Variants in FARSA observed in about 807,000 individuals in gnomAD.
FARSA encodes the protein phenylalanine--tRNA ligase alpha subunit.
A neutral mutation model predicts 63.2 loss-of-function variants in FARSA; 37 were observed. The ratio of observed to expected loss-of-function variants is 0.59; its 90% CI spans 0.45 to 0.77. The LOEUF (loss-of-function observed/expected upper bound fraction) is 0.77, where lower values mean the gene tolerates loss of function less well. Among genes scored for constraint, FARSA ranks in the 30% least tolerant of loss-of-function variants. FARSA has a pLI of 0.00. For synonymous variants in FARSA, 312 were observed against 285.1 expected (o/e 1.09, Z -0.95); for missense variants, 618 against 696.6 (o/e 0.89, Z 1.27).
At chr19:12,927,576 A>G (rs1283899917) in intron 7 of FARSA, among the ~76,000 whole-genome samples, 1 of 151,716 alleles carries the variant, frequency 6.6e-6, no homozygotes, top group Non-Finnish European at 1.5e-5. Flanking sequence ...TATTAAAAAC[A>G]CAAAAATTAG....
intron 7 of FARSA, among the ~76,000 whole-genome samples, chr19:12,928,133 A>G (rs2145997821): frequency 6.6e-6 from 1 of 151,682 alleles, no homozygotes; most frequent in Non-Finnish European, 1.5e-5. Context: ...TTTTAGAGGT[A>G]GATTCTTCCC....
rs1007369656 is a variant in FARSA at position 12,928,920 on chromosome 19, G to A, written c.504-73C>T. 1.0e-5 allele frequency: 14 copies of A among 1,336,814 alleles called. No individual in the cohort carries two copies. In the Middle Eastern group the frequency reaches 1.5e-3, roughly 139 times the overall value. 82.8% of individuals were successfully genotyped at this position (1,336,814 alleles called of 1,614,324 possible). A position where few individuals can be genotyped will look rare whatever the true frequency, so the allele number is the denominator to read the frequency against. ...GGACTTCCTTGATCTCCCGTCTGAT[G>A]AGGATCCCCATGCTACCTACCAAGT... On this transcript the variant is annotated intron_variant, in intron 4 of 12. Coordinates refer to ENST00000314606, the MANE Select transcript of FARSA (RefSeq NM_004461.3).
chr19:12,924,714 C>G lies in FARSA; in HGVS notation c.1120G>C (p.Glu374Gln), dbSNP rs1371997924. The G allele has an allele frequency of 1.6e-5, 25 of 1,597,726 alleles. No homozygotes were observed. Among genetic ancestry groups the G allele is most frequent in the Non-Finnish European group, 2.1e-5 (25 of 1,169,238 alleles). The change falls in exon 10 of 13, where the codon GAG becomes CAG. Residue 374 changes from glutamate (E) to glutamine (Q), a missense_variant. Physicochemically the swap from Glu to Gln is conservative, Grantham distance 29. Coordinates refer to ENST00000314606, the MANE Select transcript of FARSA (RefSeq NM_004461.3). The surrounding 1 kb of genome is among the most constrained non-coding windows in gnomAD (Gnocchi z 6.4). ...AGACCATGATCCGCCACCACGCCCT[C>G]GATCTGGTGGAACTCAGCCAGGTGC... is the stretch of plus-strand genomic sequence containing the variant. ...ATHLAEFHQI[E>Q]GVVADHGLTL...
At position 12,933,588 on chromosome 19, in the gene FARSA, C is replaced by T; in HGVS notation, c.109G>A (p.Val37Met). ...TGAAGGCTCTTCACGGCGCCCACCA[C>T]CGCCTGGTGCTCCATGCCCAGCTCA... ...AAELGMEHQA[V>M]VGAVKSLQAL... Residue 37 changes from valine to methionine, a missense_variant, in exon 1 of 13, where the codon GTG becomes ATG. Transcript: ENST00000314606. The T allele has an allele frequency of 6.4e-7, 1 of 1,550,940 alleles. No homozygotes were observed. The highest frequency in any genetic ancestry group is 2.4e-5 in the East Asian group (1 of 41,618).
intron 1 of FARSA, 125 bp from the exon 2 acceptor site, chr19:12,930,874 T>A: frequency 9.1e-7 from 1 of 1,098,492 alleles, no homozygotes; most frequent in Non-Finnish European, 1.3e-6. Context: ...ATCCCAGCTA[T>A]ACAACTTTAC....
Position 12,931,235 on chromosome 19 carries a change from G to A in FARSA, c.148-486C>T, listed in dbSNP as rs554739910. Among the ~76,000 whole-genome samples the A allele has an allele frequency of 7.2e-5, 11 of 152,210 alleles. No individual in the cohort carries two copies. In the East Asian group the frequency reaches 9.7e-4, roughly 13 times the overall value. On this transcript the variant is annotated intron_variant, in intron 1 of 12. Coordinates refer to ENST00000314606, the MANE Select transcript of FARSA (RefSeq NM_004461.3). Reference sequence around the variant, plus strand: ...CAGTCCCGAGTAGCTGGGACTACAGGCATGTGCCGCCACACCTGGTTAATT... The same window carrying A: ...CAGTCCCGAGTAGCTGGGACTACAGACATGTGCCGCCACACCTGGTTAATT...
In FARSA at chr19:12,922,863, A is replaced by G. The variant is rs139040383; in HGVS notation, c.1412T>C (p.Ile471Thr). ...LERPTMIKYG[I>T]NNIRELVGHK... ...GCCCACCAGCTCCCGGATATTGTTG[A>G]TGCCATATTTGATCATCGTTGGGCT... Residue 471 changes from isoleucine (I) to threonine (T), a missense_variant, in exon 13 of 13, where the codon ATC (isoleucine) becomes ACC (threonine). Coordinates refer to ENST00000314606, the MANE Select transcript of FARSA (RefSeq NM_004461.3). The G allele has an allele frequency of 2.7e-4, 433 of 1,613,984 alleles. No individual in the cohort carries two copies. Among genetic ancestry groups the G allele is most frequent in the Admixed American group, 1.8e-4 (11 of 59,984 alleles).
chr19:12,928,979 C>T, intron 4 of FARSA, 132 bp from the exon 5 acceptor site: 2 of 784,306 alleles, frequency 2.6e-6, no homozygotes, highest in Admixed American at 3.8e-5. Flanking sequence ...ACATTTATCA[C>T]TACCTGAAAT....
rs1287519725 is a variant in FARSA, at chr19:12,924,197, G to A, written c.1342C>T (p.Leu448Phe). 4 of 1,614,076 alleles carry A rather than the reference G, an allele frequency of 2.5e-6. No homozygotes were observed. Among genetic ancestry groups the A allele is most frequent in the Admixed American group, 1.7e-5 (1 of 60,006 alleles). Residue 448 changes from leucine to phenylalanine, a missense_variant, in exon 12 of 13, where the codon CTT (leucine) becomes TTT (phenylalanine). Coordinates refer to ENST00000314606, the MANE Select transcript of FARSA (RefSeq NM_004461.3). This position sits in a 1 kb window ranked among gnomAD's most constrained non-coding sequence, Gnocchi z 6.4. ...FRPEMLLPMG[L>F]PENVSVIAWG... is the part of the protein sequence containing the mutation. ...GCAATGACCGACACGTTCTCGGGAAGCCCCATGGGCAGCAGCATCTCTGGA... is the reference window on the plus strand; with the variant it reads ...GCAATGACCGACACGTTCTCGGGAAACCCCATGGGCAGCAGCATCTCTGGA...
chr19:12,927,475 G>A (rs528773013), intron 7 of FARSA, among the ~76,000 whole-genome samples: 9 of 152,302 alleles, frequency 5.9e-5, no homozygotes, highest in African/African-American at 2.2e-4. Flanking sequence ...GCTCACGCCT[G>A]TAATCCTAGC....
rs1335811881 is a variant in FARSA at position 12,924,825 on chromosome 19, G to A, written c.1027-18C>T. 1 of 1,611,874 alleles carries A rather than the reference G, an allele frequency of 6.2e-7. No individual in the cohort carries two copies. On this transcript the variant is annotated intron_variant, in intron 9 of 12. Coordinates refer to ENST00000314606, the MANE Select transcript of FARSA (RefSeq NM_004461.3). The surrounding 1 kb of genome is among the most constrained non-coding windows in gnomAD (Gnocchi z 6.4). ...AAGGGCTTCTAGGGGTGACAACCGA[G>A]CCAGGCCCAGGTATGGGTCAGAAGG...
At position 12,924,770 on chromosome 19, in the gene FARSA, C is replaced by T. The variant is rs769334009; in HGVS notation, c.1064G>A (p.Arg355His). 6.9e-6 allele frequency: 11 copies of T among 1,602,438 alleles called. No individual in the cohort carries two copies. The highest frequency in any genetic ancestry group is 2.2e-5 in the East Asian group (1 of 44,654). ...GTCCAGGGTCTCATTCCGGAATACG[C>T]GGTCGATGGAGAAGTACTTGACCGG... ...FTPVKYFSIDRVFRNETLDAT... is the reference protein window; with the variant it reads ...FTPVKYFSIDHVFRNETLDAT... Residue 355 changes from arginine to histidine, a missense_variant, in exon 10 of 13, where the codon CGC becomes CAC. Physicochemically the swap from Arg to His is conservative, Grantham distance 29 (BLOSUM62 0). Coordinates refer to ENST00000314606, the MANE Select transcript of FARSA (RefSeq NM_004461.3). The surrounding 1 kb of genome is among the most constrained non-coding windows in gnomAD (Gnocchi z 6.4).
At chr19:12,930,582 C>G (rs934909231) in intron 2 of FARSA, 30 bp downstream of exon 2, 1 of 1,607,514 alleles carries the variant, frequency 6.2e-7, no homozygotes, top group Non-Finnish European at 8.5e-7. Flanking sequence ...CATCCCATCA[C>G]TCACTCCCCA....
rs34586259 is a variant in FARSA, at chr19:12,928,023, C to CAAAAAAA, written c.841+312_841+318dup. ...TGGGCGACAGAGTGAGACCCTGTCT[C>CAAAAAAA]AAAAAAAAAAAAAAAAAAAAAAAAG... On this transcript the variant is annotated intron_variant, in intron 7 of 12. Coordinates refer to ENST00000314606, the MANE Select transcript of FARSA (RefSeq NM_004461.3). Among the ~76,000 whole-genome samples the CAAAAAAA allele has an allele frequency of 5.5e-4, 40 of 73,382 alleles. 2 individuals are homozygous for CAAAAAAA. The highest frequency in any genetic ancestry group is 9.5e-4 in the African/African-American group (20 of 21,020). The allele number at this position is 73,382 out of a possible 152,430, so 48.1% of individuals were successfully genotyped here.
chr19:12,930,173 C>T, intron 4 of FARSA, 50 bp downstream of exon 4: 1 of 1,452,758 alleles, frequency 6.9e-7, no homozygotes, highest in South Asian at 1.2e-5. Context: ...ATGCCTCCAC[C>T]ATGCTTCGCA....
chr19:12,925,507 G>A (rs925063115), intron 7 of FARSA, among the ~76,000 whole-genome samples: 1 of 143,326 alleles, frequency 7.0e-6, no homozygotes. Flanking sequence ...ACAGGTGCCT[G>A]CCACCACACC....
intron 7 of FARSA, among the ~76,000 whole-genome samples, chr19:12,925,747 C>T (rs1971318966): frequency 6.6e-6 from 1 of 151,108 alleles, no homozygotes; most frequent in Non-Finnish European, 1.5e-5. Context: ...GATCTTGGCT[C>T]ACTGCAACCT....
chr19:12,922,672 A>C lies in FARSA; in HGVS notation c.*76T>G. ...GCCTCACAGAGGCCTCATAAATACA[A>C]GGTCACTGGCCAGGGATGCAAAGGA... is the stretch of plus-strand genomic sequence containing the variant. On this transcript the variant is annotated 3_prime_UTR_variant, in exon 13 of 13. Transcript: ENST00000314606. 2 of 1,580,114 alleles carry C rather than the reference A, an allele frequency of 1.3e-6. No individual in the cohort carries two copies. Among genetic ancestry groups the C allele is most frequent in the East Asian group, 4.5e-5 (2 of 44,614 alleles).
At chr19:12,923,040 C>T (rs1008185174) in intron 12 of FARSA, among the ~76,000 whole-genome samples, 154 bp from the exon 13 acceptor site, 2 of 152,112 alleles carry the variant, frequency 1.3e-5, no homozygotes, top group Admixed American at 6.6e-5. Flanking sequence ...TCTCACCCTC[C>T]GCCTTCAGCC....
Sources: gnomAD v4.1 joint callset for allele counts (sites outside exome capture counted in the v4.1 genomes callset) on GRCh38, gnomAD v4.1.1 for gene constraint, Gnocchi (gnomAD v3.1) non-coding constraint, MANE v1.5 for transcripts, NCBI Gene and HGNC (gene_info 2026-07-23, HGNC 2026-07-21) for gene names.